The following RAB31 variants were observed in gnomAD, a reference collection of about 807,000 sequenced individuals.
RAB31 encodes ras-related protein Rab-31.
RAB31 carries 21 observed loss-of-function variants against 25.6 expected under a neutral mutation model. That is an observed-to-expected ratio of 0.82 (90% CI 0.58 to 1.18). The LOEUF (loss-of-function observed/expected upper bound fraction) is 1.18, where lower values mean the gene tolerates loss of function less well. Ranked by LOEUF, RAB31 falls within the 50% of genes most tolerant of loss-of-function variation. The probability of loss-of-function intolerance (pLI) is 0.00; values close to 1 mark genes in which losing one functional copy is unlikely to be tolerated. For missense variants in RAB31, 196 were observed against 250.1 expected (o/e 0.78, Z 1.46); for synonymous variants, 87 against 84.0 (o/e 1.04, Z -0.20).
chr18:9,747,123 A>C lies in RAB31; in HGVS notation c.40-28155A>C, dbSNP rs114924261. ...AAGGATTTGAATAGACCTTCTCCAG[A>C]GAAGACATACAGATGGCCAAGAAGC... On this transcript the variant is annotated intron_variant, in intron 1 of 6. Coordinates refer to ENST00000578921, the MANE Select transcript of RAB31 (RefSeq NM_006868.4). Among the ~76,000 whole-genome samples, 1,396 of 152,336 alleles carry C rather than the reference A, an allele frequency of 9.2e-3. 28 individuals are homozygous for C. Among genetic ancestry groups the C allele is most frequent in the African/African-American group, 0.032 (1,316 of 41,574 alleles).
chr18:9,757,353 G>A (rs117536495), intron 1 of RAB31, among the ~76,000 whole-genome samples: 12 of 152,110 alleles, frequency 7.9e-5, no homozygotes, highest in East Asian at 5.8e-4. Context: ...ACTGCTCTGC[G>A]TAGCTCCTGC....
chr18:9,827,384 G>T (rs1402995927), intron 5 of RAB31, among the ~76,000 whole-genome samples: 1 of 152,114 alleles, frequency 6.6e-6, no homozygotes, highest in Non-Finnish European at 1.5e-5. Flanking sequence ...TGACGATGGG[G>T]GCTGGGTTGG....
chr18:9,844,507 C>G (rs1568194655), intron 5 of RAB31, among the ~76,000 whole-genome samples: 1 of 152,118 alleles, frequency 6.6e-6, no homozygotes, highest in Non-Finnish European at 1.5e-5. Flanking sequence ...ACTTCCTGCC[C>G]CTCTGCTCCT....
intron 1 of RAB31, among the ~76,000 whole-genome samples, chr18:9,745,016 A>G (rs753158891): frequency 2.6e-5 from 4 of 152,214 alleles, no homozygotes; most frequent in Non-Finnish European, 5.9e-5. Context: ...CAGTGAAACC[A>G]AAAGTTGGTT....
At chr18:9,842,168 GCCC>G (rs2068737798) in intron 5 of RAB31, among the ~76,000 whole-genome samples, 1 of 152,180 alleles carries the variant, frequency 6.6e-6, no homozygotes, top group Admixed American at 6.5e-5. Context: ...GTGCTCAGCA[GCCC>G]GGACCCTCTC....
intron 1 of RAB31, among the ~76,000 whole-genome samples, chr18:9,718,568 GAA>G (rs1340275097): frequency 9.2e-5 from 14 of 152,112 alleles, no homozygotes; most frequent in African/African-American, 3.4e-4. Context: ...CTTATTTTCT[GAA>G]CTTTCATAAT....
At chr18:9,794,268 C>A (rs377565857) in intron 3 of RAB31, among the ~76,000 whole-genome samples, 307 of 152,308 alleles carry the variant, frequency 2.0e-3, no homozygotes, top group Non-Finnish European at 3.5e-3. Context: ...CTATAATTTT[C>A]ATTATCATCT....
At chr18:9,770,393 C>T (rs571360027) in intron 1 of RAB31, among the ~76,000 whole-genome samples, 140 of 152,240 alleles carry the variant, frequency 9.2e-4, no homozygotes, top group African/African-American at 3.2e-3. Context: ...TGGTGCCTAG[C>T]GTTTTGTGTG....
chr18:9,838,661 G>A (rs1430940221), intron 5 of RAB31, among the ~76,000 whole-genome samples: 1 of 152,196 alleles, frequency 6.6e-6, no homozygotes, highest in East Asian at 1.9e-4. Context: ...GCACAGGCCT[G>A]TTGGAAATGC....
chr18:9,800,597 T>C (rs1241304972), intron 3 of RAB31, among the ~76,000 whole-genome samples: 2 of 152,194 alleles, frequency 1.3e-5, no homozygotes, highest in Non-Finnish European at 2.9e-5. Context: ...CTAGACCCAC[T>C]CAAGCTTCTG....
chr18:9,854,984 T>C (rs961582074), intron 6 of RAB31, among the ~76,000 whole-genome samples: 4 of 152,166 alleles, frequency 2.6e-5, no homozygotes, highest in Non-Finnish European at 1.5e-5. Context: ...GGAACTGGAA[T>C]GAAAGGAGAG....
intron 3 of RAB31, among the ~76,000 whole-genome samples, chr18:9,798,104 A>G (rs1221851184): frequency 6.6e-6 from 1 of 152,258 alleles, no homozygotes; most frequent in African/African-American, 2.4e-5. Context: ...CATGCAAGGC[A>G]TGACTCCACA....
chr18:9,771,172 TA>T (rs2068343063), intron 1 of RAB31, among the ~76,000 whole-genome samples: 1 of 151,922 alleles, frequency 6.6e-6, no homozygotes, highest in Non-Finnish European at 1.5e-5. Flanking sequence ...CCCTCTCTCT[TA>T]AAAAAATAAA....
In RAB31 at chr18:9,786,137, G is replaced by GGAAA. The variant is rs138764985; in HGVS notation, c.120-6001_120-5998dup. Among the ~76,000 whole-genome samples the GGAAA allele has an allele frequency of 1.7e-4, 26 of 149,000 alleles. No homozygotes were observed. In the South Asian group the frequency reaches 2.1e-3, roughly 12 times the overall value. On this transcript the variant is annotated intron_variant, in intron 2 of 6. Coordinates refer to ENST00000578921, the MANE Select transcript of RAB31 (RefSeq NM_006868.4). ...TGAAGCCTCTGTCAAAAAAAGGAAA[G>GGAAA]GAAAGAAAGAAAGAAAGAAGGAAAG...
At chr18:9,756,320 G>C (rs983965765) in intron 1 of RAB31, among the ~76,000 whole-genome samples, 2 of 152,190 alleles carry the variant, frequency 1.3e-5, no homozygotes, top group Admixed American at 1.3e-4. Flanking sequence ...TGTAGAGTCA[G>C]GAAAGCAGGT....
At chr18:9,717,804 G>C (rs2145455750) in intron 1 of RAB31, among the ~76,000 whole-genome samples, 1 of 152,322 alleles carries the variant, frequency 6.6e-6, no homozygotes. Flanking sequence ...AGGTGTTCTT[G>C]TGTGTTTGTT....
Position 9,859,351 on chromosome 18 carries a change from T to C in RAB31, c.*26T>C. The C allele has an allele frequency of 6.3e-7, 1 of 1,579,376 alleles. No homozygotes were observed. The highest frequency in any genetic ancestry group is 8.7e-7 in the Non-Finnish European group (1 of 1,148,868). ...CCCAAGGGCCGTGGTCCACGGTACT[T>C]GAAGAAGCCAGAGCCCACATCCTGT... On this transcript the variant is annotated 3_prime_UTR_variant, in exon 7 of 7. Coordinates refer to ENST00000578921, the MANE Select transcript of RAB31 (RefSeq NM_006868.4).
intron 2 of RAB31, among the ~76,000 whole-genome samples, chr18:9,779,057 T>C (rs1476845921): frequency 6.6e-6 from 1 of 152,028 alleles, no homozygotes; most frequent in African/African-American, 2.4e-5. Flanking sequence ...AGAGGAGGGG[T>C]TGGTTTTGCT....
intron 1 of RAB31, among the ~76,000 whole-genome samples, chr18:9,736,339 G>A (rs543776433): frequency 2.4e-4 from 36 of 152,212 alleles, no homozygotes; most frequent in Non-Finnish European, 4.0e-4. Flanking sequence ...CTAGAATTGC[G>A]CTGCCCACTT....
Sources: allele counts gnomAD v4.1 joint callset (sites outside exome capture counted in the v4.1 genomes callset), GRCh38; gene constraint gnomAD v4.1.1; transcripts MANE v1.5; gene names NCBI Gene and HGNC (gene_info 2026-07-23, HGNC 2026-07-21).